The following ABCA7 variants were observed in gnomAD, a reference collection of about 807,000 sequenced individuals.
ABCA7 encodes ATP binding cassette subfamily A member 7, also known as phospholipid-transporting ATPase ABCA7.
Under a neutral mutation model 227.6 loss-of-function variants are expected in ABCA7, and 261 were observed. The ratio of observed to expected loss-of-function variants is 1.15; its 90% CI spans 1.04 to 1.27. ABCA7 has a LOEUF of 1.27. Ranked by LOEUF, ABCA7 falls within the 50% of genes most tolerant of loss-of-function variation. The probability of loss-of-function intolerance (pLI) is 0.00; values close to 1 mark genes in which losing one functional copy is unlikely to be tolerated. For synonymous variants in ABCA7, 1,488 were observed against 1,279.7 expected, an observed-to-expected ratio of 1.16 and a Z score of -3.47; for missense variants, 3,331 against 2,924.5, an observed-to-expected ratio of 1.14 and a Z score of -3.21.
chr19:1,054,201 G>T lies in ABCA7; in HGVS notation c.3586G>T (p.Ala1196Ser). The T allele has an allele frequency of 6.2e-7, 1 of 1,609,556 alleles. No individual in the cohort carries two copies. The highest frequency in any genetic ancestry group is 8.5e-7 in the Non-Finnish European group (1 of 1,177,780). The change falls in exon 27 of 47, where the codon GCC becomes TCC. Residue 1196 changes from alanine to serine, a missense_variant. Physicochemically the swap from Ala to Ser is moderately conservative, Grantham distance 99 (BLOSUM62 1). Coordinates refer to ENST00000263094, the MANE Select transcript of ABCA7 (RefSeq NM_019112.4). This position sits in a 1 kb window ranked among gnomAD's most constrained non-coding sequence, Gnocchi z 4.8. ...ALENGEPAGS[A>S]PETDQGSGPD... is the part of the protein sequence containing the mutation. ...CCTCTCATCCCTCACAGCTGGGTCA[G>T]CCCCAGAGACTGACCAGGGCTCTGG...
At position 1,058,755 on chromosome 19, in the gene ABCA7, A is replaced by T. The variant is rs1437863057; in HGVS notation, c.5279+8A>T. ...AAGCCAACTCCTGCCACAGTTAGTG[A>T]GGTCTATGGAGAGGGTGGCAGGGGC... On this transcript the variant is annotated splice_region_variant and intron_variant, in intron 38 of 46. Coordinates refer to ENST00000263094, the MANE Select transcript of ABCA7 (RefSeq NM_019112.4). The T allele has an allele frequency of 1.9e-6, 3 of 1,610,828 alleles. 1 individual carries two copies. In the South Asian group the frequency reaches 3.3e-5, roughly 18 times the overall value.
Position 1,065,153 on chromosome 19 carries a change from C to A in ABCA7, c.6267C>A (p.Ser2089Arg). Reference protein sequence around the residue: ...AEHGVEDFSVSQTMLEEVFLY... With the variant: ...AEHGVEDFSVRQTMLEEVFLY... ...ACGGCGTGGAGGACTTTTCCGTGAGCCAGACGATGCTGGAGGAGGTGATCA... is the reference window on the plus strand; with the variant it reads ...ACGGCGTGGAGGACTTTTCCGTGAGACAGACGATGCTGGAGGAGGTGATCA... Residue 2089 changes from serine to arginine, a missense_variant, in exon 46 of 47, where the codon AGC (serine) becomes AGA (arginine). Coordinates refer to ENST00000263094, the MANE Select transcript of ABCA7 (RefSeq NM_019112.4). The A allele has an allele frequency of 6.3e-7, 1 of 1,591,666 alleles. No individual in the cohort carries two copies. Among genetic ancestry groups the A allele is most frequent in the Non-Finnish European group, 8.6e-7 (1 of 1,166,574 alleles).
chr19:1,042,254 G>T, intron 5 of ABCA7, 61 bp from the exon 6 acceptor site: 1 of 1,585,670 alleles, frequency 6.3e-7, no homozygotes, highest in Non-Finnish European at 8.6e-7. Context: ...GCACAGGGTG[G>T]GGGTGGGTGC....
intron 40 of ABCA7, 139 bp downstream of exon 40, chr19:1,059,224 C>T (rs2042488757): frequency 1.7e-6 from 1 of 574,504 alleles, no homozygotes; most frequent in South Asian, 7.0e-5. Flanking sequence ...AATATTTGTG[C>T]TCCTATTTTT....
At position 1,052,113 on chromosome 19, in the gene ABCA7, C is replaced by A. The variant is rs1325533729; in HGVS notation, c.3134C>A (p.Thr1045Asn). Residue 1045 changes from threonine to asparagine, a missense_variant, in exon 22 of 47, where the codon ACC becomes AAC. Coordinates refer to ENST00000263094, the MANE Select transcript of ABCA7 (RefSeq NM_019112.4). ...LTLVKARLPLTTNEKADTDME... is the reference protein window; with the variant it reads ...LTLVKARLPLNTNEKADTDME... ...CTGGTGAAGGCCCGCCTGCCCCTGA[C>A]CACCAATGAGAAGGTGGGGACCGGC... 1.9e-6 allele frequency: 3 copies of A among 1,612,106 alleles called. No homozygotes were observed. The highest frequency in any genetic ancestry group is 2.7e-5 in the African/African-American group (2 of 74,800).
chr19:1,063,609 C>T lies in ABCA7; in HGVS notation c.5778C>T (p.Tyr1926=), dbSNP rs747987899. Residue 1926 remains tyrosine, a synonymous_variant, in exon 43 of 47, where the codon TAC becomes TAT. Coordinates refer to ENST00000263094, the MANE Select transcript of ABCA7 (RefSeq NM_019112.4). Reference sequence around the variant, plus strand: ...ACGCAGACCGGCCTGCAGGCACCTACAGCGGAGGGAACAAACGCAAGCTGG... The same window carrying T: ...ACGCAGACCGGCCTGCAGGCACCTATAGCGGAGGGAACAAACGCAAGCTGG... ...SWYADRPAGT[Y]SGGNKRKLAT... The T allele has an allele frequency of 2.5e-6, 4 of 1,611,350 alleles. No homozygotes were observed. Among genetic ancestry groups the T allele is most frequent in the South Asian group, 2.2e-5 (2 of 91,080 alleles).
intron 44 of ABCA7, 140 bp downstream of exon 44, chr19:1,064,003 C>T: frequency 7.5e-7 from 1 of 1,339,858 alleles, no homozygotes. Context: ...TGTAAGGACA[C>T]ACAGAGGTGG....
chr19:1,049,358 C>CG lies in ABCA7; in HGVS notation c.2478dup (p.Leu827AlafsTer68), dbSNP rs745310748. On this transcript the variant is annotated frameshift_variant, in exon 18 of 47. Transcript: ENST00000263094. LOFTEE classifies it high-confidence loss of function. ...TCCTGGAAGCCCGCAGCCAGCCCTG[C>CG]GGGGGCTCAGCCTGGACTTCTACCA... 1.9e-6 allele frequency: 3 copies of CG among 1,611,530 alleles called. No individual in the cohort carries two copies. Among genetic ancestry groups the CG allele is most frequent in the East Asian group, 2.2e-5 (1 of 44,860 alleles).
chr19:1,064,586 A>T, intron 45 of ABCA7: 2 of 344,064 alleles, frequency 5.8e-6, no homozygotes, highest in East Asian at 1.2e-4. Flanking sequence ...GCCATAGGAA[A>T]GTGGGGCGGG....
At chr19:1,062,733 G>A (rs2042743462) in intron 42 of ABCA7, among the ~76,000 whole-genome samples, 1 of 151,572 alleles carries the variant, frequency 6.6e-6, no homozygotes, top group Non-Finnish European at 1.5e-5. Flanking sequence ...CTGCTTGGGG[G>A]TCTTGTCTTT....
rs1391167069 is a variant in ABCA7, at chr19:1,048,496, C to CAAAAAAAAGA, written c.2270-391_2270-390insGAAAAAAAAA. On this transcript the variant is annotated intron_variant, in intron 16 of 46. Transcript: ENST00000263094. ...GGGCAACAAGAGTGAAACTCAGTCT[C>CAAAAAAAAGA]AAAAAAAAAAAAACAAAAAAAAAAA... 3.5e-3 allele frequency among the ~76,000 whole-genome samples: 76 copies of CAAAAAAAAGA among 21,628 alleles called. 2 individuals are homozygous for CAAAAAAAAGA. The highest frequency in any genetic ancestry group is 0.014 in the African/African-American group (74 of 5,358). The allele number at this position is 21,628 out of a possible 152,430, so 14.2% of individuals were successfully genotyped here.
Position 1,041,316 on chromosome 19 carries a change from G to T in ABCA7, c.-46G>T, listed in dbSNP as rs774625769. 3 of 1,603,900 alleles carry T rather than the reference G, an allele frequency of 1.9e-6. No homozygotes were observed. The highest frequency in any genetic ancestry group is 2.6e-6 in the Non-Finnish European group (3 of 1,171,564). ...CAGCCGCACCGCACGTCTTCAGCCC[G>T]ACCGTTGTCCTGACCTCTCTGTCCC... On this transcript the variant is annotated 5_prime_UTR_variant, in exon 2 of 47. Coordinates refer to ENST00000263094, the MANE Select transcript of ABCA7 (RefSeq NM_019112.4).
At position 1,063,625 on chromosome 19, in the gene ABCA7, C is replaced by T. The variant is rs114787084; in HGVS notation, c.5794C>T (p.Arg1932Cys). The T allele has an allele frequency of 1.9e-4, 306 of 1,611,286 alleles. No homozygotes were observed. The African/African-American group carries it at 2.7e-3, about 14-fold the overall frequency. Residue 1932 changes from arginine (R) to cysteine (C), a missense_variant, in exon 43 of 47, where the codon CGC becomes TGC. Physicochemically the swap from Arg to Cys is radical, Grantham distance 180 (BLOSUM62 -3). Transcript: ENST00000263094. ...AGGCACCTACAGCGGAGGGAACAAA[C>T]GCAAGCTGGCGACGGCCCTGGCGCT... ...PAGTYSGGNK[R>C]KLATALALVG...
chr19:1,047,460 T>C lies in ABCA7; in HGVS notation c.2075T>C (p.Leu692Pro). 6.5e-7 allele frequency: 1 copy of C among 1,549,556 alleles called. No homozygotes were observed. The highest frequency in any genetic ancestry group is 8.7e-7 in the Non-Finnish European group (1 of 1,151,336). The change falls in exon 16 of 47, where the codon CTG becomes CCG. Residue 692 changes from leucine (L) to proline (P), a missense_variant. Physicochemically the swap from Leu to Pro is moderately conservative, Grantham distance 98 (BLOSUM62 -3). Coordinates refer to ENST00000263094, the MANE Select transcript of ABCA7 (RefSeq NM_019112.4). ...CCGCCCGCTTTTCCGCAGAGCCTGC[T>C]GTCGCCCGTGGCCTTCGGCTTCGGC... ...PAGGRVAASL[L>P]SPVAFGFGCE...
At chr19:1,055,034 T>G in intron 29 of ABCA7, 63 bp from the exon 30 acceptor site, 1 of 1,542,650 alleles carries the variant, frequency 6.5e-7, no homozygotes, top group South Asian at 1.2e-5. Flanking sequence ...AGAAGCTGGG[T>G]GCCCACAGAC....
chr19:1,055,830 T>C, intron 30 of ABCA7, 77 bp from the exon 31 acceptor site: 1 of 1,426,750 alleles, frequency 7.0e-7, no homozygotes, highest in East Asian at 2.4e-5. Context: ...CACCCTTGAC[T>C]CTGTGCTCCC....
rs1230385079 is a variant in ABCA7, at chr19:1,047,214, TTCGCGG to T, written c.1905_1910del (p.Phe635_Val637delinsLeu). On this transcript the variant is annotated inframe_deletion, in exon 15 of 47. Coordinates refer to ENST00000263094, the MANE Select transcript of ABCA7 (RefSeq NM_019112.4). ...CGTGGTCTTCCTGTTCTTGGCAGCC[TTCGCGG>T]TGGCCACGGTGACCCAGAGCTTCCT... is the stretch of plus-strand genomic sequence containing the variant. 2 of 1,609,012 alleles carry T rather than the reference TTCGCGG, an allele frequency of 1.2e-6. No individual in the cohort carries two copies. The highest frequency in any genetic ancestry group is 1.7e-6 in the Non-Finnish European group (2 of 1,179,446).
Position 1,051,293 on chromosome 19 carries a change from T to C in ABCA7, c.2823T>C (p.Ser941=). The C allele has an allele frequency of 1.3e-6, 2 of 1,593,944 alleles. No homozygotes were observed. Among genetic ancestry groups the C allele is most frequent in the South Asian group, 1.1e-5 (1 of 88,212 alleles). The change falls in exon 20 of 47, where the codon TCT becomes TCC. Residue 941 remains serine (S), a splice_region_variant and synonymous_variant. Transcript: ENST00000263094. ...AGAGTGTGCAGACTCGCCACCTCTC[T>C]GGTGAGCCCATCCCCAAGGGAGGTC... ...SKQSVQTRHL[S]GGMQRKLSVA... is the part of the protein sequence containing the mutation.
chr19:1,061,390 CAAA>C (rs978850571), intron 40 of ABCA7, among the ~76,000 whole-genome samples: 6 of 36,902 alleles, frequency 1.6e-4, no homozygotes, highest in African/African-American at 5.7e-4. Context: ...GGCTCCGTCT[CAAA>C]AAAAAAAAAA....
Sources: gnomAD v4.1 joint callset for allele counts (sites outside exome capture counted in the v4.1 genomes callset) on GRCh38, gnomAD v4.1.1 for gene constraint, Gnocchi (gnomAD v3.1) non-coding constraint, MANE v1.5 for transcripts, NCBI Gene and HGNC (gene_info 2026-07-23, HGNC 2026-07-21) for gene names.